The following CCDC15 variants were observed in gnomAD, a reference collection of about 807,000 sequenced individuals.
CCDC15 encodes the protein coiled-coil domain containing 15, also known as coiled-coil domain-containing protein 15.
Under a neutral mutation model 114.5 loss-of-function variants are expected in CCDC15, and 105 were observed. The ratio of observed to expected loss-of-function variants is 0.92; its 90% CI spans 0.78 to 1.08. The LOEUF (loss-of-function observed/expected upper bound fraction) is 1.08, where lower values mean the gene tolerates loss of function less well. Among genes scored for constraint, CCDC15 ranks in the 50% least tolerant of loss-of-function variants. CCDC15 has a pLI of 0.00. For missense variants in CCDC15, 1,105 were observed against 1,093.6 expected (o/e 1.01, Z -0.15); for synonymous variants, 334 against 377.8 (o/e 0.88, Z 1.34).
chr11:124,987,297 G>A lies in CCDC15; in HGVS notation c.1071G>A (p.Lys357=). 6.2e-7 allele frequency: 1 copy of A among 1,611,278 alleles called. No individual in the cohort carries two copies. Among genetic ancestry groups the A allele is most frequent in the East Asian group, 2.2e-5 (1 of 44,866 alleles). The change falls in exon 8 of 16, where the codon AAG becomes AAA. Residue 357 remains lysine (K), a synonymous_variant. Coordinates refer to ENST00000344762, the MANE Select transcript of CCDC15 (RefSeq NM_025004.3). Reference sequence around the variant, plus strand: ...ATTTGACAGGAATCCAGAGTGTTAAGCCAGATACCCAGGCTGTTGAAATGA... The same window carrying A: ...ATTTGACAGGAATCCAGAGTGTTAAACCAGATACCCAGGCTGTTGAAATGA... ...QGDLTGIQSV[K]PDTQAVEMKV...
chr11:124,983,498 A>G (rs1948107531), intron 6 of CCDC15, among the ~76,000 whole-genome samples: 1 of 151,300 alleles, frequency 6.6e-6, no homozygotes, highest in African/African-American at 2.4e-5. Flanking sequence ...TGATTCTGGT[A>G]TAAGGGGGAG....
intron 4 of CCDC15, among the ~76,000 whole-genome samples, chr11:124,969,355 T>C (rs1344667648): frequency 6.6e-6 from 1 of 152,170 alleles, no homozygotes; most frequent in Non-Finnish European, 1.5e-5. Context: ...CAGTATTTTG[T>C]TTTCATTAGG....
chr11:124,988,110 C>T lies in CCDC15; in HGVS notation c.1884C>T (p.Asp628=), dbSNP rs59550486. 4,940 of 1,611,252 alleles carry T rather than the reference C, an allele frequency of 3.1e-3. 131 individuals are homozygous for T. In the African/African-American group the frequency reaches 0.058, roughly 19 times the overall value. Residue 628 remains aspartate, a synonymous_variant, in exon 8 of 16, where the codon GAC becomes GAT. Coordinates refer to ENST00000344762, the MANE Select transcript of CCDC15 (RefSeq NM_025004.3). The stretch of plus-strand genomic sequence containing the variant: ...AGAATATTCTACCCAAATGTCAGGA[C>T]CAAGATTTTCTACCAAAATATCAGG... ...NDQNILPKCQ[D]QDFLPKYQKV...
chr11:124,985,026 T>C (rs1948133398), intron 6 of CCDC15, among the ~76,000 whole-genome samples: 1 of 152,188 alleles, frequency 6.6e-6, no homozygotes, highest in African/African-American at 2.4e-5. Context: ...TTAACCTCAA[T>C]CCTAGGCAGC....
chr11:125,031,363 G>C (rs543549546), intron 13 of CCDC15, among the ~76,000 whole-genome samples: 1 of 152,246 alleles, frequency 6.6e-6, no homozygotes, highest in African/African-American at 2.4e-5. Flanking sequence ...GGTAGCAGGA[G>C]TGGAGACCAT....
At chr11:124,995,907 T>A (rs977508618) in intron 11 of CCDC15, among the ~76,000 whole-genome samples, 2 of 151,914 alleles carry the variant, frequency 1.3e-5, no homozygotes, top group African/African-American at 4.8e-5. Context: ...CTCAGCTCAC[T>A]GCAACTCCGC....
rs553983420 is a variant in CCDC15, at chr11:124,977,739, C to A, written c.753+139C>A. On this transcript the variant is annotated intron_variant, in intron 6 of 15. Coordinates refer to ENST00000344762, the MANE Select transcript of CCDC15 (RefSeq NM_025004.3). ...ATTGAGATATAATTCATATACCATA[C>A]AATTCACCCATTTAAAGTGTACAAT... is the stretch of plus-strand genomic sequence containing the variant. 8.5e-6 allele frequency: 7 copies of A among 820,532 alleles called. 1 individual carries two copies. In the South Asian group the frequency reaches 1.2e-4, roughly 14 times the overall value. 50.8% of individuals were successfully genotyped at this position (820,532 alleles called of 1,614,324 possible).
intron 7 of CCDC15, 43 bp from the exon 8 acceptor site, chr11:124,987,084 T>C (rs1218157741): frequency 1.1e-5 from 16 of 1,449,300 alleles, no homozygotes; most frequent in Non-Finnish European, 1.5e-5. Flanking sequence ...AGAGTATTGC[T>C]ACTAACTCAC....
At chr11:125,028,545 C>T (rs920544234) in intron 13 of CCDC15, among the ~76,000 whole-genome samples, 6 of 151,660 alleles carry the variant, frequency 4.0e-5, no homozygotes, top group Non-Finnish European at 8.8e-5. Flanking sequence ...TTGTTTTTGC[C>T]ACTGTTGTGA....
At chr11:125,031,363 G>A (rs543549546) in intron 13 of CCDC15, among the ~76,000 whole-genome samples, 15 of 152,364 alleles carry the variant, frequency 9.8e-5, no homozygotes, top group African/African-American at 3.4e-4. Context: ...GGTAGCAGGA[G>A]TGGAGACCAT....
At position 124,988,019 on chromosome 11, in the gene CCDC15, A is replaced by C. The variant is rs781592429; in HGVS notation, c.1793A>C (p.Asn598Thr). 6.2e-7 allele frequency: 1 copy of C among 1,613,822 alleles called. No individual in the cohort carries two copies. The highest frequency in any genetic ancestry group is 8.5e-7 in the Non-Finnish European group (1 of 1,179,756). ...CAAGGTTATCTTCCTAAAGACCAAA[A>C]TATTCTACCCATATGTCAGGACCGG... ...RDQGYLPKDQ[N>T]ILPICQDRDF... The change falls in exon 8 of 16, where the codon AAT (asparagine) becomes ACT (threonine). Residue 598 changes from asparagine to threonine, a missense_variant. Asn to Thr is a moderately conservative substitution (Grantham distance 65). Coordinates refer to ENST00000344762, the MANE Select transcript of CCDC15 (RefSeq NM_025004.3).
chr11:124,983,400 T>C (rs1417009413), intron 6 of CCDC15, among the ~76,000 whole-genome samples: 1 of 152,210 alleles, frequency 6.6e-6, no homozygotes, highest in African/African-American at 2.4e-5. Flanking sequence ...CTGGTTCTTA[T>C]GTTTGTGGGC....
intron 13 of CCDC15, among the ~76,000 whole-genome samples, chr11:125,023,986 A>G (rs1948678706): frequency 6.6e-6 from 1 of 152,022 alleles, no homozygotes; most frequent in African/African-American, 2.4e-5. Flanking sequence ...AGTGACTGCT[A>G]ATAAGTATAA....
chr11:124,971,652 A>G (rs1255967507), intron 4 of CCDC15, among the ~76,000 whole-genome samples: 1 of 152,036 alleles, frequency 6.6e-6, no homozygotes, highest in African/African-American at 2.4e-5. Context: ...CTCATTTTTT[A>G]CACTGAGTTT....
At chr11:124,973,475 A>G (rs1947920028) in intron 4 of CCDC15, among the ~76,000 whole-genome samples, 2 of 151,886 alleles carry the variant, frequency 1.3e-5, no homozygotes, top group Non-Finnish European at 2.9e-5. Flanking sequence ...TTGGCAAAAC[A>G]AAGAGTAGTA....
At chr11:124,973,885 C>T (rs567513253) in intron 4 of CCDC15, among the ~76,000 whole-genome samples, 53 of 152,242 alleles carry the variant, frequency 3.5e-4, no homozygotes, top group Non-Finnish European at 6.5e-4. Context: ...GGATTAGTAG[C>T]GATCTTGGCT....
intron 15 of CCDC15, 171 bp downstream of exon 15, chr11:125,039,240 T>C: frequency 2.0e-6 from 1 of 500,932 alleles, no homozygotes; most frequent in East Asian, 3.3e-5. Flanking sequence ...TGAGTTATAT[T>C]TCTCTTTGAG....
At chr11:124,986,617 T>C (rs1948160124) in intron 6 of CCDC15, 125 bp from the exon 7 acceptor site, 3 of 1,098,328 alleles carry the variant, frequency 2.7e-6, no homozygotes, top group Non-Finnish European at 2.5e-6. Context: ...ACCTGAAGCC[T>C]AGAATTTTAT....
rs369286985 is a variant in CCDC15, at chr11:124,954,771, C to T, written c.39C>T (p.Thr13=). The change falls in exon 2 of 16, where the codon ACC becomes ACT. Residue 13 remains threonine, a synonymous_variant. Coordinates refer to ENST00000344762, the MANE Select transcript of CCDC15 (RefSeq NM_025004.3). ...GSMARKKPRN[T]SRLPLALNPL... is the part of the protein sequence containing the mutation. ...TGGCCCGAAAGAAACCTCGAAATACCTCAAGGTTGCCCCTGGCTTTAAACC... is the reference window on the plus strand; with the variant it reads ...TGGCCCGAAAGAAACCTCGAAATACTTCAAGGTTGCCCCTGGCTTTAAACC... The T allele has an allele frequency of 1.6e-4, 256 of 1,613,808 alleles. No individual in the cohort carries two copies. Among genetic ancestry groups the T allele is most frequent in the Non-Finnish European group, 2.1e-4 (246 of 1,179,884 alleles).
Sources: gnomAD v4.1 joint callset for allele counts (sites outside exome capture counted in the v4.1 genomes callset) on GRCh38, gnomAD v4.1.1 for gene constraint, MANE v1.5 for transcripts, NCBI Gene and HGNC (gene_info 2026-07-23, HGNC 2026-07-21) for gene names.